The following FCRL3 variants were observed in gnomAD, a reference collection of about 807,000 sequenced individuals.
The protein encoded by FCRL3 is Fc receptor-like protein 3.
FCRL3 carries 89 observed loss-of-function variants against 75.0 expected under a neutral mutation model. The ratio of observed to expected loss-of-function variants is 1.19; its 90% CI spans 1.00 to 1.42. The LOEUF (loss-of-function observed/expected upper bound fraction) is 1.42, where lower values mean the gene tolerates loss of function less well. FCRL3 is among the 40% of genes most tolerant of loss of function. The pLI, the probability that FCRL3 is intolerant of heterozygous loss-of-function variation, is 0.00. For synonymous variants in FCRL3, 376 were observed against 348.5 expected (o/e 1.08, Z -0.88); for missense variants, 946 against 880.0 (o/e 1.07, Z -0.95).
Position 157,690,365 on chromosome 1 carries a change from C to A in FCRL3, c.1580G>T (p.Gly527Val). ...AGTCAGAGAGAGGTTGAAGGATGCCCCTCCTCCAGAGTGGGCCGAGATGTT... is the reference window on the plus strand; with the variant it reads ...AGTCAGAGAGAGGTTGAAGGATGCCACTCCTCCAGAGTGGGCCGAGATGTT... ...LGNISAHSGG[G>V]ASFNLSLTTE... Residue 527 changes from glycine to valine, a missense_variant, in exon 9 of 15, where the codon GGG becomes GTG. By Grantham distance (109) the Gly-to-Val change is moderately radical (BLOSUM62 -3). Transcript: ENST00000368184. 6.2e-7 allele frequency: 1 copy of A among 1,614,156 alleles called. No individual in the cohort carries two copies.
chr1:157,696,046 C>T lies in FCRL3; in HGVS notation c.1126G>A (p.Val376Met), dbSNP rs770508420. 15 of 1,608,140 alleles carry T rather than the reference C, an allele frequency of 9.3e-6. No homozygotes were observed. Among genetic ancestry groups the T allele is most frequent in the African/African-American group, 4.0e-5 (3 of 74,384 alleles). ...GAAAGGAATCGGAACTTACTTCTCA[C>T]GGTGACTCGAATCCACGTGCTGAGG... The part of the protein sequence containing the change: ...PILSTWIRVT[V>M]RIPVSHPVLT... Residue 376 changes from valine (V) to methionine (M), a missense_variant, in exon 7 of 15, where the codon GTG becomes ATG. Val to Met is a conservative substitution (Grantham distance 21, BLOSUM62 1). Coordinates refer to ENST00000368184, the MANE Select transcript of FCRL3 (RefSeq NM_052939.4).
In FCRL3 at chr1:157,676,884, G is replaced by A. The variant is rs1432723129; in HGVS notation, c.*1826C>T. The A allele has an allele frequency of 7.3e-6, 11 of 1,507,522 alleles. No individual in the cohort carries two copies. Among genetic ancestry groups the A allele is most frequent in the African/African-American group, 1.4e-5 (1 of 71,752 alleles). The allele number at this position is 1,507,522 out of a possible 1,614,324, so 93.4% of individuals were successfully genotyped here. On this transcript the variant is annotated 3_prime_UTR_variant, in exon 15 of 15. Transcript: ENST00000368184. ...AATCAGCAGCAGGGTTAGAAAGGAG[G>A]AGAGCCTCCATATACAGCCTGGTGG...
rs1046554849 is a variant in FCRL3 at position 157,676,899 on chromosome 1, C to T, written c.*1811G>A. ...TAGAAAGGAGGAGAGCCTCCATATA[C>T]AGCCTGGTGGTTGGTACCCAAAACC... On this transcript the variant is annotated 3_prime_UTR_variant, in exon 15 of 15. Coordinates refer to ENST00000368184, the MANE Select transcript of FCRL3 (RefSeq NM_052939.4). The T allele has an allele frequency of 1.4e-6, 2 of 1,471,872 alleles. No individual in the cohort carries two copies. Among genetic ancestry groups the T allele is most frequent in the African/African-American group, 2.8e-5 (2 of 70,586 alleles). The allele number at this position is 1,471,872 out of a possible 1,614,324, so 91.2% of individuals were successfully genotyped here.
intron 13 of FCRL3, 73 bp from the exon 14 acceptor site, chr1:157,679,046 T>A: frequency 6.6e-7 from 1 of 1,510,186 alleles, no homozygotes; most frequent in Admixed American, 1.7e-5. Flanking sequence ...GTACGCACAC[T>A]GCATTCCAAA....
At chr1:157,695,221 T>A in intron 8 of FCRL3, 108 bp downstream of exon 8, 2 of 1,120,842 alleles carry the variant, frequency 1.8e-6, no homozygotes, top group Non-Finnish European at 2.6e-6. Context: ...TCAGAAAGAG[T>A]GGGAAGTCTA....
In FCRL3 at chr1:157,696,287, G is replaced by A. The variant is rs754929262; in HGVS notation, c.885C>T (p.Thr295=). Residue 295 remains threonine (T), a synonymous_variant, in exon 7 of 15, where the codon ACC becomes ACT. Transcript: ENST00000368184. ...TTTCTCCTTCAATCAGCTGCCCTCC[G>A]GTGGGCCGGATCTCTAGATTCACAT... The part of the protein sequence containing the change: ...VSNVNLEIRP[T]GGQLIEGENM... The A allele has an allele frequency of 3.3e-5, 53 of 1,613,900 alleles. No homozygotes were observed. The highest frequency in any genetic ancestry group is 6.7e-5 in the East Asian group (3 of 44,882).
intron 10 of FCRL3, among the ~76,000 whole-genome samples, chr1:157,686,363 C>A (rs1256669682): frequency 6.6e-6 from 1 of 151,964 alleles, no homozygotes; most frequent in African/African-American, 2.4e-5. Flanking sequence ...GCCATACTGC[C>A]CAAAGAAATT....
intron 11 of FCRL3, 39 bp downstream of exon 11, chr1:157,683,178 T>C: frequency 6.2e-7 from 1 of 1,601,568 alleles, no homozygotes; most frequent in Non-Finnish European, 8.5e-7. Flanking sequence ...TATAAATAAA[T>C]CATGAAAATG....
At position 157,697,787 on chromosome 1, in the gene FCRL3, T is replaced by G; in HGVS notation, c.431A>C (p.Tyr144Ser). 6.2e-7 allele frequency: 1 copy of G among 1,614,186 alleles called. No homozygotes were observed. Among genetic ancestry groups the G allele is most frequent in the East Asian group, 2.2e-5 (1 of 44,878 alleles). ...YKDGKQLPNS[Y>S]NLEKITVNSV... is the part of the protein sequence containing the mutation. Reference sequence around the variant, plus strand: ...ATTCACTGTGATCTTCTCTAAATTATAACTATTAGGAAGCTGTTTTCCATC... The same window carrying G: ...ATTCACTGTGATCTTCTCTAAATTAGAACTATTAGGAAGCTGTTTTCCATC... Residue 144 changes from tyrosine to serine, a missense_variant, in exon 5 of 15, where the codon TAT becomes TCT. By Grantham distance (144) the Tyr-to-Ser change is moderately radical (BLOSUM62 -2). Coordinates refer to ENST00000368184, the MANE Select transcript of FCRL3 (RefSeq NM_052939.4).
In FCRL3 at chr1:157,689,878, A is replaced by G. The variant is rs1655403514; in HGVS notation, c.1730T>C (p.Ile577Thr). 6.2e-7 allele frequency: 1 copy of G among 1,614,078 alleles called. No homozygotes were observed. The highest frequency in any genetic ancestry group is 1.3e-5 in the African/African-American group (1 of 74,922). Residue 577 changes from isoleucine (I) to threonine (T), a missense_variant, in exon 10 of 15, where the codon ATC (isoleucine) becomes ACC (threonine). By Grantham distance (89) the Ile-to-Thr change is moderately conservative. Transcript: ENST00000368184. The stretch of plus-strand genomic sequence containing the variant: ...GAGGATGCTGAGCACCAGCCCCGTG[A>G]TTCCCGCAGCGGTAAGGCCTGTTCT... Reference protein sequence around the residue: ...RNRTGLTAAGITGLVLSILVL... With the variant: ...RNRTGLTAAGTTGLVLSILVL...
At chr1:157,686,768 C>A (rs148349212) in intron 10 of FCRL3, among the ~76,000 whole-genome samples, 175 of 152,232 alleles carry the variant, frequency 1.1e-3, no homozygotes, top group Non-Finnish European at 1.9e-3. Context: ...CCCTACTTTT[C>A]ACCATATACA....
upstream of FCRL3, chr1:157,700,805 G>T: frequency 9.3e-7 from 1 of 1,079,606 alleles, no homozygotes; most frequent in Middle Eastern, 3.6e-4. Context: ...TTGTGTATTT[G>T]CTAGTATTCA....
In FCRL3 at chr1:157,678,660, G is replaced by GA. The variant is rs34893510; in HGVS notation, c.*49dup. 2.2e-4 allele frequency: 345 copies of GA among 1,587,576 alleles called. No homozygotes were observed. The highest frequency in any genetic ancestry group is 4.5e-4 in the Middle Eastern group (2 of 4,454). ...GGATGATGTGTGGTTGGAGAGAACA[G>GA]AAAAAAAAATGGTGCAGGCTGTTTC... On this transcript the variant is annotated 3_prime_UTR_variant, in exon 15 of 15. Transcript: ENST00000368184.
chr1:157,684,873 G>C (rs1537947), intron 10 of FCRL3, among the ~76,000 whole-genome samples: 39,978 of 151,902 alleles, frequency 0.26, 5,921 homozygotes, highest in African/African-American at 0.4. Flanking sequence ...TTAACTTTTA[G>C]AAAAATGTAG....
chr1:157,679,828 CACA>C (rs1160274999), intron 13 of FCRL3, among the ~76,000 whole-genome samples: 5 of 27,906 alleles, frequency 1.8e-4, no homozygotes, highest in Admixed American at 7.1e-4. Context: ...GACCCCATCT[CACA>C]AAAAAAAAAA....
chr1:157,686,642 A>G (rs1283372516), intron 10 of FCRL3, among the ~76,000 whole-genome samples: 1 of 152,136 alleles, frequency 6.6e-6, no homozygotes, highest in Non-Finnish European at 1.5e-5. Flanking sequence ...ATTCACACCT[A>G]CAACCATCTG....
chr1:157,694,346 A>G (rs1398207134), intron 8 of FCRL3, among the ~76,000 whole-genome samples: 1 of 152,180 alleles, frequency 6.6e-6, no homozygotes, highest in Non-Finnish European at 1.5e-5. Context: ...GTTTCAGCAC[A>G]CTGTCTGGCA....
Position 157,697,758 on chromosome 1 carries a change from C to T in FCRL3, c.460G>A (p.Val154Ile). ...TGATATTTGCTATTATCCCTGGAGA[C>T]TGAATTCACTGTGATCTTCTCTAAA... ...YNLEKITVNS[V>I]SRDNSKYHCT... The change falls in exon 5 of 15, where the codon GTC becomes ATC. Residue 154 changes from valine (V) to isoleucine (I), a missense_variant. Transcript: ENST00000368184. 1.2e-6 allele frequency: 2 copies of T among 1,614,074 alleles called. No homozygotes were observed. Among genetic ancestry groups the T allele is most frequent in the South Asian group, 1.1e-5 (1 of 91,084 alleles).
chr1:157,692,487 T>C (rs1426529093), intron 8 of FCRL3, among the ~76,000 whole-genome samples: 1 of 152,106 alleles, frequency 6.6e-6, no homozygotes, highest in African/African-American at 2.4e-5. Flanking sequence ...AATCCTTCCT[T>C]GGCCTCCCAA....
Sources: allele counts gnomAD v4.1 joint callset (sites outside exome capture counted in the v4.1 genomes callset), GRCh38; gene constraint gnomAD v4.1.1; transcripts MANE v1.5; gene names NCBI Gene and HGNC (gene_info 2026-07-23, HGNC 2026-07-21).